The following LARS2 variants were observed in gnomAD, a reference collection of about 807,000 sequenced individuals.
LARS2 encodes leucyl-tRNA synthetase 2, mitochondrial.
A neutral mutation model predicts 116.6 loss-of-function variants in LARS2; 81 were observed. The observed-to-expected ratio is 0.69, with a 90% confidence interval of 0.58 to 0.84. The LOEUF is 0.84. Among genes scored for constraint, LARS2 ranks in the 40% least tolerant of loss-of-function variants. The pLI is 0.00. For missense variants in LARS2, 968 were observed against 1,114.5 expected, an observed-to-expected ratio of 0.87 and a Z score of 1.87; for synonymous variants, 396 against 407.2, an observed-to-expected ratio of 0.97 and a Z score of 0.33.
intron 7 of LARS2, among the ~76,000 whole-genome samples, chr3:45,458,133 C>A (rs1699244115): frequency 6.6e-6 from 1 of 152,012 alleles, no homozygotes; most frequent in Non-Finnish European, 1.5e-5. Context: ...AAATAGGTAC[C>A]ATTTTTTCTT....
At chr3:45,433,162 G>A (rs1408133753) in intron 6 of LARS2, among the ~76,000 whole-genome samples, 1 of 151,876 alleles carries the variant, frequency 6.6e-6, no homozygotes, top group South Asian at 2.1e-4. Context: ...TTTGAAGTGG[G>A]TTTTTTGTAA....
At chr3:45,410,834 G>C (rs941203951) in intron 4 of LARS2, among the ~76,000 whole-genome samples, 2 of 152,168 alleles carry the variant, frequency 1.3e-5, no homozygotes, top group Non-Finnish European at 1.5e-5. Flanking sequence ...TCTCTAGCCA[G>C]GGGGATGGGT....
chr3:45,391,285 ACCAG>A (rs1038742279), intron 1 of LARS2, among the ~76,000 whole-genome samples: 3 of 152,032 alleles, frequency 2.0e-5, no homozygotes, highest in African/African-American at 7.2e-5. Context: ...GGAGTTAGAG[ACCAG>A]CCTGGCCAAC....
At chr3:45,509,337 A>T (rs1700248137) in intron 15 of LARS2, 1 of 152,148 alleles carries the variant, frequency 6.6e-6, no homozygotes, top group African/African-American at 2.4e-5. Context: ...GAATGAGTGA[A>T]CAAAAGGGAA....
intron 3 of LARS2, among the ~76,000 whole-genome samples, chr3:45,397,922 CA>C (rs1039263291): frequency 6.6e-6 from 1 of 152,192 alleles, no homozygotes; most frequent in Non-Finnish European, 1.5e-5. Context: ...GAGTTCCCAC[CA>C]ACCCCTGAAT....
intron 4 of LARS2, among the ~76,000 whole-genome samples, chr3:45,406,126 A>G (rs1233049920): frequency 2.6e-5 from 4 of 152,330 alleles, no homozygotes; most frequent in African/African-American, 9.6e-5. Context: ...TTTAGAAACC[A>G]TCAGGGAGAC....
intron 6 of LARS2, among the ~76,000 whole-genome samples, chr3:45,431,416 T>G (rs1698711931): frequency 6.6e-6 from 1 of 152,232 alleles, no homozygotes; most frequent in African/African-American, 2.4e-5. Context: ...CTCCACTGTT[T>G]GTTGTCTACA....
Position 45,394,668 on chromosome 3 carries a change from C to T in LARS2, c.215C>T (p.Ser72Phe), listed in dbSNP as rs532725261. 1.2e-4 allele frequency: 198 copies of T among 1,613,112 alleles called. 3 individuals carry two copies. In the South Asian group the frequency reaches 2.0e-3, roughly 16 times the overall value. ...WWHQRIKEQA[S>F]KISEADKSKP... is the part of the protein sequence containing the mutation. ...CATCAACGAATAAAAGAACAGGCCT[C>T]CAAAATTTCAGAAGCTGATGTGAGT... Residue 72 changes from serine (S) to phenylalanine (F), a missense_variant, in exon 3 of 22, where the codon TCC becomes TTC. Ser to Phe is a radical substitution (Grantham distance 155). Transcript: ENST00000645846.
In LARS2 at chr3:45,547,758, T is replaced by G. The variant is rs1029143001; in HGVS notation, c.*228T>G. On this transcript the variant is annotated 3_prime_UTR_variant, in exon 22 of 22. Coordinates refer to ENST00000645846, the MANE Select transcript of LARS2 (RefSeq NM_015340.4). ...GAAATATGAGCTACTGAGGAGGGGG[T>G]TGGACATCCTGCCCCTCACCCCCCA... 4.5e-6 allele frequency: 2 copies of G among 447,382 alleles called. No individual in the cohort carries two copies. The highest frequency in any genetic ancestry group is 2.0e-5 in the African/African-American group (1 of 48,966). The allele number at this position is 447,382 out of a possible 1,614,324, so 27.7% of individuals were successfully genotyped here. A position where few individuals can be genotyped will look rare whatever the true frequency, so the allele number is the denominator to read the frequency against.
intron 20 of LARS2, among the ~76,000 whole-genome samples, chr3:45,538,867 C>T (rs1351744278): frequency 6.6e-6 from 1 of 152,234 alleles, no homozygotes; most frequent in African/African-American, 2.4e-5. Flanking sequence ...GGAGCTTGTG[C>T]TAGCTCCTAA....
chr3:45,489,722 CATTGGAAACACCTGA>C (rs1699878722), intron 12 of LARS2, among the ~76,000 whole-genome samples: 1 of 152,160 alleles, frequency 6.6e-6, no homozygotes, highest in South Asian at 2.1e-4. Flanking sequence ...CTTAACTGCA[CATTGGAAACACCTGA>C]GAGTTTTAAA....
intron 6 of LARS2, among the ~76,000 whole-genome samples, chr3:45,443,807 G>A (rs1698958468): frequency 6.6e-6 from 1 of 152,112 alleles, no homozygotes; most frequent in African/African-American, 2.4e-5. Context: ...GACATGTGCA[G>A]AAATGTAATA....
At chr3:45,447,795 G>T (rs1464742207) in intron 7 of LARS2, among the ~76,000 whole-genome samples, 1 of 152,206 alleles carries the variant, frequency 6.6e-6, no homozygotes, top group East Asian at 1.9e-4. Flanking sequence ...CCCGAGAAAT[G>T]AAAGTGTTTG....
intron 12 of LARS2, among the ~76,000 whole-genome samples, chr3:45,490,125 C>T (rs1699888823): frequency 6.6e-6 from 1 of 152,220 alleles, no homozygotes; most frequent in Non-Finnish European, 1.5e-5. Flanking sequence ...ACTGCATCCC[C>T]AGACATGAGT....
intron 3 of LARS2, among the ~76,000 whole-genome samples, chr3:45,397,568 CAAG>C (rs1210843516): frequency 2.0e-5 from 3 of 151,980 alleles, no homozygotes; most frequent in Non-Finnish European, 4.4e-5. Context: ...ATGTTTGGGG[CAAG>C]ATTGGTAAAT....
rs1286577809 is a variant in LARS2 at position 45,456,392 on chromosome 3, G to A, written c.607-2351G>A. On this transcript the variant is annotated intron_variant, in intron 7 of 21. Transcript: ENST00000645846. ...GAGGTCAGGAGTTCGAGACCAGCCT[G>A]GCCAACACGGTGAAACCCTGTCTCT... Among the ~76,000 whole-genome samples the A allele has an allele frequency of 5.9e-5, 9 of 152,296 alleles. No homozygotes were observed. In the South Asian group the frequency reaches 1.9e-3, roughly 32 times the overall value.
At chr3:45,542,034 G>C (rs1021328018) in intron 21 of LARS2, 78 bp downstream of exon 21, 1 of 1,567,690 alleles carries the variant, frequency 6.4e-7, no homozygotes, top group Non-Finnish European at 8.7e-7. Context: ...GTGGTTTTGA[G>C]AGGTCTATTA....
At chr3:45,475,108 C>T (rs1699589601) in intron 9 of LARS2, among the ~76,000 whole-genome samples, 1 of 152,162 alleles carries the variant, frequency 6.6e-6, no homozygotes, top group South Asian at 2.1e-4. Flanking sequence ...GTCATCAAGA[C>T]TTTTCTGCTC....
At chr3:45,458,262 G>C (rs1699246422) in intron 7 of LARS2, among the ~76,000 whole-genome samples, 1 of 152,110 alleles carries the variant, frequency 6.6e-6, no homozygotes, top group Non-Finnish European at 1.5e-5. Context: ...TAATAAGATG[G>C]AAGCACAGAG....
Sources: gnomAD v4.1 joint callset for allele counts (sites outside exome capture counted in the v4.1 genomes callset) on GRCh38, gnomAD v4.1.1 for gene constraint, MANE v1.5 for transcripts, NCBI Gene and HGNC (gene_info 2026-07-23, HGNC 2026-07-21) for gene names.